The following ART3 variants were observed in gnomAD, a reference collection of about 807,000 sequenced individuals.
The protein encoded by ART3 is ADP-ribosyltransferase 3 (inactive), also known as ecto-ADP-ribosyltransferase 3.
ART3 carries 49 observed loss-of-function variants against 48.5 expected under a neutral mutation model. The ratio of observed to expected loss-of-function variants is 1.01; its 90% CI spans 0.80 to 1.28. The LOEUF is 1.28. Among genes scored for constraint, ART3 ranks in the 50% most tolerant of loss-of-function variants. ART3 has a pLI of 0.00. For synonymous variants in ART3, 145 were observed against 157.2 expected (o/e 0.92, Z 0.58); for missense variants, 438 against 454.3 (o/e 0.96, Z 0.33).
At chr4:76,042,202 A>G (rs937258698) in intron 1 of ART3, among the ~76,000 whole-genome samples, 4 of 152,196 alleles carry the variant, frequency 2.6e-5, no homozygotes, top group African/African-American at 4.8e-5. Context: ...GAATTTTAAA[A>G]TGTTTCCAAG....
At chr4:76,097,427 G>A (rs951124936) in intron 3 of ART3, among the ~76,000 whole-genome samples, 2 of 151,858 alleles carry the variant, frequency 1.3e-5, no homozygotes, top group African/African-American at 4.8e-5. Flanking sequence ...GGCTGGTCTT[G>A]AACTCCTGGG....
At chr4:76,066,873 C>G (rs973805492) in intron 1 of ART3, among the ~76,000 whole-genome samples, 5 of 152,174 alleles carry the variant, frequency 3.3e-5, no homozygotes, top group African/African-American at 1.2e-4. Context: ...CAGGAGCCAA[C>G]AGCAGGGAGA....
At chr4:76,079,338 G>A (rs1320488519) in intron 2 of ART3, among the ~76,000 whole-genome samples, 2 of 152,164 alleles carry the variant, frequency 1.3e-5, no homozygotes, top group Non-Finnish European at 2.9e-5. Context: ...TGTAGGAAAA[G>A]TTCACAAATG....
intron 1 of ART3, among the ~76,000 whole-genome samples, chr4:76,030,138 C>A (rs1388550960): frequency 6.6e-6 from 1 of 152,192 alleles, no homozygotes; most frequent in Non-Finnish European, 1.5e-5. Context: ...CTCACTGCAA[C>A]CTCCACCTCC....
chr4:76,087,085 A>G (rs561435617), intron 3 of ART3, among the ~76,000 whole-genome samples: 1 of 152,312 alleles, frequency 6.6e-6, no homozygotes, highest in South Asian at 2.1e-4. Context: ...CGTTAGTTAT[A>G]TCAAAGCCCT....
chr4:76,038,269 A>G (rs1200667916), intron 1 of ART3, among the ~76,000 whole-genome samples: 2 of 152,212 alleles, frequency 1.3e-5, no homozygotes, highest in African/African-American at 2.4e-5. Flanking sequence ...ATTATTCTAT[A>G]TATTAATGTT....
chr4:76,104,976 G>A (rs1037368314), intron 10 of ART3, among the ~76,000 whole-genome samples: 2 of 152,114 alleles, frequency 1.3e-5, no homozygotes, highest in Non-Finnish European at 2.9e-5. Context: ...TTCACGTAAC[G>A]CTGCTGTCAA....
intron 1 of ART3, among the ~76,000 whole-genome samples, chr4:76,042,350 G>A (rs1735048544): frequency 6.6e-6 from 1 of 152,158 alleles, no homozygotes; most frequent in Non-Finnish European, 1.5e-5. Context: ...TGAAAAGTGG[G>A]TTAGAAATGA....
intron 1 of ART3, among the ~76,000 whole-genome samples, chr4:76,049,055 T>C (rs1471025540): frequency 6.6e-6 from 1 of 151,934 alleles, no homozygotes; most frequent in African/African-American, 2.4e-5. Context: ...GGAATAGCTT[T>C]TGTTAGGCCT....
intron 1 of ART3, among the ~76,000 whole-genome samples, chr4:76,040,177 C>T (rs6852309): frequency 0.61 from 92,573 of 151,558 alleles, 29,323 homozygotes; most frequent in East Asian, 0.94. Context: ...ATACAAAAAT[C>T]AGCTGGGTAT....
At chr4:76,095,048 C>A (rs1200086615) in intron 3 of ART3, among the ~76,000 whole-genome samples, 1 of 152,072 alleles carries the variant, frequency 6.6e-6, no homozygotes, top group East Asian at 1.9e-4. Flanking sequence ...TATATTTATG[C>A]CTCTTCTTTT....
At position 76,082,342 on chromosome 4, in the gene ART3, C is replaced by T. The variant is rs758334501; in HGVS notation, c.588C>T (p.Asp196=). ...AYSAKPQAAN[D]QLTVLSIYTC... Reference sequence around the variant, plus strand: ...CAGCCAAACCTCAGGCTGCTAATGACCAGCTCACTGTGTTATCCATCTACA... The same window carrying T: ...CAGCCAAACCTCAGGCTGCTAATGATCAGCTCACTGTGTTATCCATCTACA... Residue 196 remains aspartate, a synonymous_variant, in exon 3 of 12, where the codon GAC becomes GAT. Coordinates refer to ENST00000355810, the MANE Select transcript of ART3 (RefSeq NM_001130016.3). 6 of 1,613,546 alleles carry T rather than the reference C, an allele frequency of 3.7e-6. No individual in the cohort carries two copies. In the Admixed American group the frequency reaches 1.0e-4, roughly 27 times the overall value.
intron 1 of ART3, chr4:76,023,231 T>C: frequency 4.5e-6 from 3 of 673,872 alleles, no homozygotes; most frequent in Non-Finnish European, 5.1e-6. Flanking sequence ...TTTTATGATC[T>C]GAGGGAATCT....
chr4:76,072,655 T>A (rs1720436407), upstream of ART3, among the ~76,000 whole-genome samples: 1 of 103,264 alleles, frequency 9.7e-6, no homozygotes, highest in African/African-American at 7.7e-5. Flanking sequence ...ATACCTCTTT[T>A]TAAAACCTGT....
At chr4:76,036,199 C>T (rs1578260987) in intron 1 of ART3, 1 of 529,742 alleles carries the variant, frequency 1.9e-6, no homozygotes. Flanking sequence ...TTGTTCTCTT[C>T]TAAATGTTAC....
intron 1 of ART3, among the ~76,000 whole-genome samples, chr4:76,050,720 G>A (rs372744117): frequency 0.012 from 1,812 of 152,210 alleles, 38 homozygotes; most frequent in African/African-American, 0.041. Context: ...GGCACTTGTC[G>A]CGGAGGCTCG....
chr4:76,109,133 A>G (rs1729004008), intron 11 of ART3, among the ~76,000 whole-genome samples: 3 of 152,014 alleles, frequency 2.0e-5, no homozygotes, highest in Non-Finnish European at 4.4e-5. Context: ...TACTTTATAA[A>G]CTTAATTTTA....
intron 1 of ART3, among the ~76,000 whole-genome samples, chr4:76,040,017 T>C (rs867983918): frequency 2.0e-5 from 3 of 152,172 alleles, no homozygotes; most frequent in Non-Finnish European, 4.4e-5. Flanking sequence ...GCAAAGGTAA[T>C]ATCTGATATT....
chr4:76,068,225 G>A (rs551810334), intron 1 of ART3, among the ~76,000 whole-genome samples: 2 of 152,136 alleles, frequency 1.3e-5, no homozygotes, highest in Admixed American at 6.5e-5. Context: ...TGTGACTTTT[G>A]ACAAATGTAT....
Sources: allele counts gnomAD v4.1 joint callset (sites outside exome capture counted in the v4.1 genomes callset), GRCh38; gene constraint gnomAD v4.1.1; transcripts MANE v1.5; gene names NCBI Gene and HGNC (gene_info 2026-07-23, HGNC 2026-07-21).